HERC3: variants seen among roughly 807,000 people sequenced by gnomAD.
The protein encoded by HERC3 is HECT and RLD domain containing E3 ubiquitin protein ligase 3.
HERC3 carries 58 observed loss-of-function variants against 129.9 expected under a neutral mutation model. The ratio of observed to expected loss-of-function variants is 0.45; its 90% confidence interval spans 0.36 to 0.56. The LOEUF (loss-of-function observed/expected upper bound fraction) is 0.56. HERC3 is among the 20% of genes least tolerant of loss of function. The pLI, the probability that HERC3 is intolerant of heterozygous loss-of-function variation, is 0.00. For synonymous variants in HERC3, 430 were observed against 451.0 expected (o/e 0.95, Z 0.59); for missense variants, 835 against 1,244.2 (o/e 0.67, Z 4.95).
intron 5 of HERC3, 28 bp downstream of exon 5, chr4:88,652,116 G>A (rs1019488483): frequency 2.7e-6 from 4 of 1,455,414 alleles, no homozygotes; most frequent in Admixed American, 3.4e-5. Flanking sequence ...ATATGCTAAT[G>A]CTATGTTAAT....
chr4:88,602,359 G>A (rs1309707465), intron 2 of HERC3, among the ~76,000 whole-genome samples: 2 of 135,086 alleles, frequency 1.5e-5, no homozygotes, highest in Non-Finnish European at 3.0e-5. Flanking sequence ...CTGAGATTGC[G>A]CCACTGCACT....
At chr4:88,693,242 T>C in intron 23 of HERC3, 1 of 979,694 alleles carries the variant, frequency 1.0e-6, no homozygotes, top group Non-Finnish European at 1.2e-6. Flanking sequence ...AAGTATCTTT[T>C]GTGTATAAAG....
At chr4:88,615,379 A>G (rs894407211) in intron 3 of HERC3, among the ~76,000 whole-genome samples, 5 of 152,152 alleles carry the variant, frequency 3.3e-5, no homozygotes, top group African/African-American at 1.2e-4. Context: ...GCCATTTGTG[A>G]TAGCATGTAA....
At chr4:88,531,205 T>TTTTAAATTTTTAAAA in the HERC3 span, among the ~76,000 whole-genome samples, 1 of 151,514 alleles carries the variant, frequency 6.6e-6, no homozygotes, top group Admixed American at 6.6e-5. Flanking sequence ...TTTAAAATTT[T>TTTTAAATTTTTAAAA]TTTAAAATTT....
chr4:88,616,910 A>C (rs1039128319), intron 3 of HERC3, among the ~76,000 whole-genome samples: 1 of 152,082 alleles, frequency 6.6e-6, no homozygotes, highest in Non-Finnish European at 1.5e-5. Context: ...CTTCCTGCCA[A>C]ATCTCTAGCC....
intron 13 of HERC3, 34 bp from the exon 14 acceptor site, chr4:88,667,858 T>C: frequency 1.3e-6 from 2 of 1,482,106 alleles, no homozygotes; most frequent in African/African-American, 2.8e-5. Flanking sequence ...CTCAAGTATG[T>C]TTGAATTTCT....
chr4:88,530,464 T>A, the HERC3 span, among the ~76,000 whole-genome samples: 1 of 152,208 alleles, frequency 6.6e-6, no homozygotes, highest in Non-Finnish European at 1.5e-5. Flanking sequence ...CAAAGAAGGC[T>A]GTGCCTAAGG....
chr4:88,640,390 A>G (rs1332179274), intron 3 of HERC3, among the ~76,000 whole-genome samples: 5 of 152,212 alleles, frequency 3.3e-5, no homozygotes, highest in African/African-American at 1.2e-4. Context: ...AATCCTATGC[A>G]GCCATGAAAA....
At chr4:88,701,620 GA>G (rs1434439768) in intron 23 of HERC3, among the ~76,000 whole-genome samples, 1 of 151,920 alleles carries the variant, frequency 6.6e-6, no homozygotes, top group East Asian at 1.9e-4. Context: ...TTTAATAAAA[GA>G]AAAAAATTAC....
intron 9 of HERC3, 128 bp downstream of exon 9, chr4:88,656,163 A>C: frequency 1.2e-6 from 1 of 837,796 alleles, no homozygotes; most frequent in Non-Finnish European, 1.8e-6. Context: ...TTTTAACATC[A>C]ATTAATAATT....
At chr4:88,554,209 C>T in the HERC3 span, among the ~76,000 whole-genome samples, 56 of 151,904 alleles carry the variant, frequency 3.7e-4, no homozygotes, top group African/African-American at 1.2e-3. Flanking sequence ...AGCTGGGTGT[C>T]GTGGCATGCG....
At chr4:88,542,460 A>G in the HERC3 span, among the ~76,000 whole-genome samples, 1 of 152,294 alleles carries the variant, frequency 6.6e-6, no homozygotes, top group Non-Finnish European at 1.5e-5. Flanking sequence ...ATAACAACCA[A>G]AAAAAGTCCA....
chr4:88,637,023 G>A (rs186345411), intron 3 of HERC3, among the ~76,000 whole-genome samples: 1 of 152,270 alleles, frequency 6.6e-6, no homozygotes, highest in Non-Finnish European at 1.5e-5. Flanking sequence ...CAGCTACTCG[G>A]GAGGCTGAGG....
intron 9 of HERC3, among the ~76,000 whole-genome samples, chr4:88,657,780 C>G (rs73841611): frequency 1.7e-3 from 250 of 151,278 alleles, no homozygotes; most frequent in Admixed American, 3.6e-3. Flanking sequence ...TGGAGTTAGC[C>G]AGGTGTAGAG....
chr4:88,633,821 C>T (rs1269248999), intron 3 of HERC3, among the ~76,000 whole-genome samples: 6 of 151,990 alleles, frequency 3.9e-5, no homozygotes, highest in Admixed American at 1.3e-4. Flanking sequence ...TAAAAGAATA[C>T]AAAACATATA....
chr4:88,646,114 G>A (rs149627429), intron 3 of HERC3, among the ~76,000 whole-genome samples: 5 of 152,248 alleles, frequency 3.3e-5, no homozygotes, highest in African/African-American at 1.2e-4. Flanking sequence ...ATCATTAGTT[G>A]TGAGCCTTGG....
upstream of HERC3, among the ~76,000 whole-genome samples, chr4:88,590,957 T>C (rs1721671215): frequency 6.6e-6 from 1 of 151,864 alleles, no homozygotes; most frequent in Non-Finnish European, 1.5e-5. Context: ...TGGCTTGATT[T>C]CAGCTTACTG....
chr4:88,606,710 C>T (rs189038423), intron 3 of HERC3, among the ~76,000 whole-genome samples: 1 of 152,250 alleles, frequency 6.6e-6, no homozygotes, highest in East Asian at 1.9e-4. Flanking sequence ...ATTTTTAAAA[C>T]CATCAGATCT....
At chr4:88,602,214 A>C (rs1449583269) in intron 2 of HERC3, among the ~76,000 whole-genome samples, 4 of 151,926 alleles carry the variant, frequency 2.6e-5, no homozygotes, top group Non-Finnish European at 5.9e-5. Context: ...CAGCCTGCCC[A>C]ACATGGCGAA....
Sources: gnomAD v4.1 joint callset for allele counts (sites outside exome capture counted in the v4.1 genomes callset) on GRCh38, gnomAD v4.1.1 for gene constraint, MANE v1.5 for transcripts, NCBI Gene and HGNC (gene_info 2026-07-23, HGNC 2026-07-21) for gene names.